SPDYE10: variants seen among roughly 807,000 people sequenced by gnomAD.
SPDYE10 encodes speedy/RINGO cell cycle regulator family member E10, also known as speedy protein E10.
chr7:73,104,501 G>T, the SPDYE10 span: 1 of 99,596 alleles, frequency 1.0e-5, no homozygotes, highest in East Asian at 2.6e-4. Context: ...AATATTTAAA[G>T]TAATAATAAT....
the SPDYE10 span, among the ~76,000 whole-genome samples, chr7:73,142,994 G>T: frequency 7.2e-6 from 1 of 138,766 alleles, no homozygotes; most frequent in Non-Finnish European, 1.6e-5. Context: ...AAGGAAGGAA[G>T]GAAGGAAGGA....
chr7:73,134,795 G>C, the SPDYE10 span, among the ~76,000 whole-genome samples: 1 of 152,286 alleles, frequency 6.6e-6, no homozygotes, highest in African/African-American at 2.4e-5. Context: ...CCAGGAGGCG[G>C]AGGTTGCAGG....
the SPDYE10 span, among the ~76,000 whole-genome samples, chr7:73,135,212 G>A: frequency 9.9e-5 from 15 of 151,862 alleles, no homozygotes; most frequent in Non-Finnish European, 2.2e-4. Context: ...CTCCCCATCT[G>A]TAGAAAGGGC....
chr7:73,132,685 G>A, the SPDYE10 span, among the ~76,000 whole-genome samples: 1 of 151,468 alleles, frequency 6.6e-6, no homozygotes, highest in African/African-American at 2.4e-5. Flanking sequence ...ACTCTGTTTG[G>A]GAGTTGAACA....
At chr7:73,127,930 A>G in the SPDYE10 span, among the ~76,000 whole-genome samples, 10 of 136,430 alleles carry the variant, frequency 7.3e-5, no homozygotes, top group South Asian at 2.7e-4. Flanking sequence ...CCACCCTCTT[A>G]TCCCAACCAT....
the SPDYE10 span, among the ~76,000 whole-genome samples, chr7:73,114,897 A>C: frequency 4.4e-5 from 6 of 135,202 alleles, no homozygotes; most frequent in African/African-American, 1.1e-4. Context: ...ACAGCGGGTC[A>C]TCTGATTTTT....
the SPDYE10 span, among the ~76,000 whole-genome samples, chr7:73,137,658 G>C: frequency 1.6e-5 from 2 of 125,400 alleles, no homozygotes; most frequent in African/African-American, 6.4e-5. Flanking sequence ...AGAAAGAAAA[G>C]AGAAAGAAAG....
At chr7:73,147,163 CT>C in the SPDYE10 span, among the ~76,000 whole-genome samples, 2,784 of 144,796 alleles carry the variant, frequency 0.019, 65 homozygotes, top group Non-Finnish European at 0.03. Flanking sequence ...TTTTTCTTTT[CT>C]TTTTTTTTTT....
At chr7:73,114,724 G>A in the SPDYE10 span, among the ~76,000 whole-genome samples, 3 of 148,288 alleles carry the variant, frequency 2.0e-5, no homozygotes, top group African/African-American at 7.5e-5. Flanking sequence ...TTTTGGTAGA[G>A]ACGATGTTTC....
the SPDYE10 span, among the ~76,000 whole-genome samples, chr7:73,141,083 C>T: frequency 6.7e-6 from 1 of 149,856 alleles, no homozygotes. Flanking sequence ...CACACACACA[C>T]ACACACACAC....
At chr7:73,115,075 T>C in the SPDYE10 span, among the ~76,000 whole-genome samples, 3 of 151,906 alleles carry the variant, frequency 2.0e-5, no homozygotes, top group Non-Finnish European at 4.4e-5. Flanking sequence ...TTCTGTATTT[T>C]TGTAGAGATG....
At chr7:73,134,369 T>G in the SPDYE10 span, among the ~76,000 whole-genome samples, 1 of 105,858 alleles carries the variant, frequency 9.4e-6, no homozygotes. Flanking sequence ...CAGGGCCTGT[T>G]GTGCGGTGGA....
the SPDYE10 span, among the ~76,000 whole-genome samples, chr7:73,131,718 A>G: frequency 6.6e-6 from 1 of 151,242 alleles, no homozygotes; most frequent in South Asian, 2.1e-4. Context: ...TATTTTTAGT[A>G]GAGACGAGGT....
chr7:73,125,345 T>G, the SPDYE10 span, among the ~76,000 whole-genome samples: 1 of 147,472 alleles, frequency 6.8e-6, no homozygotes, highest in African/African-American at 2.7e-5. Context: ...ATGTATCCAG[T>G]CTTCTCTTGG....
chr7:73,147,973 AT>A, the SPDYE10 span, among the ~76,000 whole-genome samples: 9 of 138,580 alleles, frequency 6.5e-5, no homozygotes, highest in East Asian at 2.1e-4. Context: ...TACCCAACTA[AT>A]TTTTTTTTTG....
chr7:73,153,334 C>T, the SPDYE10 span, among the ~76,000 whole-genome samples: 1 of 58,760 alleles, frequency 1.7e-5, no homozygotes, highest in Non-Finnish European at 3.1e-5. Flanking sequence ...AAAAAAAGGC[C>T]AGGCATGGTG....
At chr7:73,137,532 GAA>G in the SPDYE10 span, among the ~76,000 whole-genome samples, 6 of 138,604 alleles carry the variant, frequency 4.3e-5, no homozygotes, top group African/African-American at 1.1e-4. Context: ...AAAAAGGAAA[GAA>G]AGAGAGAGAG....
the SPDYE10 span, among the ~76,000 whole-genome samples, chr7:73,134,531 G>GAAAT: frequency 1.0e-5 from 1 of 97,388 alleles, no homozygotes; most frequent in Non-Finnish European, 1.9e-5. Context: ...AAAAAAGAAA[G>GAAAT]AAAGAAAAAG....
chr7:73,154,800 G>GGCAGCAACAGCAGCAACA, the SPDYE10 span: 4 of 205,248 alleles, frequency 1.9e-5, no homozygotes, highest in Non-Finnish European at 4.0e-5. Flanking sequence ...CAGCCCCCGC[G>GGCAGCAACAGCAGCAACA]GCAGCAACAG....
Sources: gnomAD v4.1 joint callset for allele counts (sites outside exome capture counted in the v4.1 genomes callset) on GRCh38, gnomAD v4.1.1 for gene constraint, MANE v1.5 for transcripts, NCBI Gene and HGNC (gene_info 2026-07-23, HGNC 2026-07-21) for gene names.